The following LHFPL7 variants were observed in gnomAD, a reference collection of about 807,000 sequenced individuals.
The protein encoded by LHFPL7 is LHFPL tetraspan subfamily member 7 protein.
the LHFPL7 span, among the ~76,000 whole-genome samples, chr22:24,942,091 G>A: frequency 6.6e-6 from 1 of 151,990 alleles, no homozygotes; most frequent in Middle Eastern, 3.2e-3. Flanking sequence ...TGCTTCCCGG[G>A]TTCATGCCGT....
chr22:24,945,107 C>T, the LHFPL7 span, among the ~76,000 whole-genome samples: 106 of 152,254 alleles, frequency 7.0e-4, 1 homozygote, highest in East Asian at 0.018. Flanking sequence ...CGCGCCTGGC[C>T]GCCTAGGCTG....
chr22:24,941,979 TTTTA>T, the LHFPL7 span, among the ~76,000 whole-genome samples: 66 of 145,968 alleles, frequency 4.5e-4, no homozygotes, highest in African/African-American at 1.1e-3. Context: ...TTCAAATGTA[TTTTA>T]TTTATTTATT....
chr22:24,935,369 G>C, the LHFPL7 span: 2 of 1,613,764 alleles, frequency 1.2e-6, no homozygotes, highest in Non-Finnish European at 1.7e-6. Flanking sequence ...TGATTCTCTC[G>C]GTGGCACTGG....
At chr22:24,937,465 T>C in the LHFPL7 span, among the ~76,000 whole-genome samples, 1 of 152,142 alleles carries the variant, frequency 6.6e-6, no homozygotes, top group East Asian at 1.9e-4. Flanking sequence ...GAAGTTCAGA[T>C]TTTACTCTGA....
At chr22:24,940,685 CT>C in the LHFPL7 span, among the ~76,000 whole-genome samples, 520 of 69,248 alleles carry the variant, frequency 7.5e-3, no homozygotes, top group African/African-American at 0.019. Context: ...CTCCTTCCTT[CT>C]CTCTCCCTCC....
At chr22:24,939,415 A>G in the LHFPL7 span, 1 of 702,940 alleles carries the variant, frequency 1.4e-6, no homozygotes, top group South Asian at 1.5e-5. Context: ...TGAGGCCAGG[A>G]GCAGTAGGTG....
At chr22:24,939,344 A>ACCTTC in the LHFPL7 span, 71 of 703,002 alleles carry the variant, frequency 1.0e-4, no homozygotes, top group African/African-American at 1.1e-3. Flanking sequence ...CCTTCCAGGC[A>ACCTTC]AAGTCAGGAA....
At chr22:24,937,956 G>A in the LHFPL7 span, among the ~76,000 whole-genome samples, 1 of 152,156 alleles carries the variant, frequency 6.6e-6, no homozygotes, top group African/African-American at 2.4e-5. Context: ...GTGACACTAA[G>A]GATGCCATCT....
chr22:24,935,972 C>T, the LHFPL7 span, among the ~76,000 whole-genome samples: 80,670 of 151,806 alleles, frequency 0.53, 22,359 homozygotes, highest in East Asian at 0.73. Flanking sequence ...CCATTTTCCT[C>T]ATCCATCCAC....
the LHFPL7 span, among the ~76,000 whole-genome samples, chr22:24,936,928 A>G: frequency 1.2e-5 from 1 of 86,516 alleles, no homozygotes; most frequent in African/African-American, 4.2e-5. Flanking sequence ...CCCGCCGCCC[A>G]ACAAACTAGA....
the LHFPL7 span, among the ~76,000 whole-genome samples, chr22:24,936,914 C>T: frequency 6.6e-6 from 1 of 152,034 alleles, no homozygotes; most frequent in African/African-American, 2.4e-5. Flanking sequence ...CAACCCCCGC[C>T]CCCCCCGCCG....
the LHFPL7 span, among the ~76,000 whole-genome samples, chr22:24,938,967 C>A: frequency 6.6e-6 from 1 of 152,130 alleles, no homozygotes; most frequent in Admixed American, 6.6e-5. Context: ...AGTAGAGCAT[C>A]CTAAAGAAGG....
At chr22:24,939,404 C>A in the LHFPL7 span, 2 of 703,096 alleles carry the variant, frequency 2.8e-6, no homozygotes, top group Non-Finnish European at 2.6e-6. Context: ...AACTGTTGCC[C>A]TGAGGCCAGG....
the LHFPL7 span, chr22:24,935,532 TC>T: frequency 6.2e-7 from 1 of 1,613,932 alleles, no homozygotes; most frequent in African/African-American, 1.3e-5. Context: ...TTCGCACACT[TC>T]CTTGATGAAT....
the LHFPL7 span, among the ~76,000 whole-genome samples, chr22:24,937,849 T>C: frequency 6.6e-6 from 1 of 152,120 alleles, no homozygotes; most frequent in Non-Finnish European, 1.5e-5. Context: ...CCCAACTGTG[T>C]ATGGTGGCCC....
At chr22:24,935,723 T>C in the LHFPL7 span, 2 of 1,272,824 alleles carry the variant, frequency 1.6e-6, no homozygotes, top group Non-Finnish European at 2.1e-6. Context: ...CATTTGCTTA[T>C]TTATTGGCTC....
the LHFPL7 span, chr22:24,946,689 A>G: frequency 6.6e-6 from 1 of 152,270 alleles, no homozygotes; most frequent in Admixed American, 6.5e-5. Context: ...TAGCTTGTAG[A>G]ACAATGCAAG....
the LHFPL7 span, among the ~76,000 whole-genome samples, chr22:24,946,144 T>C: frequency 5.1e-4 from 78 of 152,134 alleles, no homozygotes; most frequent in Non-Finnish European, 9.3e-4. Flanking sequence ...ACCCTGTCTC[T>C]ACTAAAAATA....
chr22:24,940,719 T>TCCC, the LHFPL7 span, among the ~76,000 whole-genome samples: 1 of 27,428 alleles, frequency 3.6e-5, no homozygotes, highest in Non-Finnish European at 1.1e-4. Flanking sequence ...TTCCCTTTCT[T>TCCC]TCCTTCCTTC....
Sources: gnomAD v4.1 joint callset for allele counts (sites outside exome capture counted in the v4.1 genomes callset) on GRCh38, gnomAD v4.1.1 for gene constraint, MANE v1.5 for transcripts, NCBI Gene and HGNC (gene_info 2026-07-23, HGNC 2026-07-21) for gene names.